ZNF746: variants seen among roughly 807,000 people sequenced by gnomAD.
The protein encoded by ZNF746 is zinc finger protein 746, also known as parkin-interacting substrate.
Under a neutral mutation model 41.0 loss-of-function variants are expected in ZNF746, and 13 were observed. The observed-to-expected ratio is 0.32, with a 90% confidence interval of 0.21 to 0.50. ZNF746 has a LOEUF of 0.50. ZNF746 is among the 20% of genes least tolerant of loss of function. ZNF746 has a pLI of 0.98. For missense variants in ZNF746, 811 were observed against 922.9 expected (o/e 0.88, Z 1.57); for synonymous variants, 424 against 396.2 (o/e 1.07, Z -0.83).
chr7:149,481,767 A>G (rs1585727655), intron 4 of ZNF746, among the ~76,000 whole-genome samples: 2 of 152,366 alleles, frequency 1.3e-5, no homozygotes, highest in East Asian at 3.8e-4. Flanking sequence ...AAAGGAAAAT[A>G]CCTAAATGAA....
intron 3 of ZNF746, among the ~76,000 whole-genome samples, 174 bp from the exon 4 acceptor site, chr7:149,493,146 T>C (rs1562993369): frequency 6.6e-6 from 1 of 152,150 alleles, no homozygotes; most frequent in Non-Finnish European, 1.5e-5. Context: ...TGGAGACAAT[T>C]CTGGTTGTCA....
intron 5 of ZNF746, 98 bp from the exon 6 acceptor site, chr7:149,477,145 C>A (rs1266457660): frequency 4.6e-5 from 65 of 1,427,822 alleles, no homozygotes; most frequent in Non-Finnish European, 5.3e-5. Flanking sequence ...GAGGTCCCCC[C>A]ACTGGGGGCT....
At chr7:149,477,465 G>T in intron 5 of ZNF746, 99 bp downstream of exon 5, 2 of 1,358,924 alleles carry the variant, frequency 1.5e-6, no homozygotes, top group Non-Finnish European at 1.0e-6. Context: ...GGCCGGAAGT[G>T]TTGAGGGCCC....
In ZNF746 at chr7:149,479,474, T is replaced by C. The variant is rs533814038; in HGVS notation, c.566-1719A>G. Among the ~76,000 whole-genome samples the C allele has an allele frequency of 3.3e-5, 5 of 152,232 alleles. No homozygotes were observed. The East Asian group carries it at 9.6e-4, about 29-fold the overall frequency. ...AAAAATAATCTCATATATGAACAGA[T>C]ATGCAAAGATTCTAAATGAAAGAAT... is the stretch of plus-strand genomic sequence containing the variant. On this transcript the variant is annotated intron_variant, in intron 4 of 6. Coordinates refer to ENST00000458143, the MANE Select transcript of ZNF746 (RefSeq NM_001394198.1).
In ZNF746 at chr7:149,497,679, C is replaced by T. The variant is rs1235561738; in HGVS notation, c.-143G>A. The stretch of plus-strand genomic sequence containing the variant: ...CTGCCGCCGCTCCTCGCTGGCTGCC[C>T]CTGCGCCGCGCCGCCCGCAGTCGCG... On this transcript the variant is annotated 5_prime_UTR_variant, in exon 1 of 7. Transcript: ENST00000458143. This position sits in a 1 kb window ranked among gnomAD's most constrained non-coding sequence, Gnocchi z 4.2. The T allele has an allele frequency of 5.1e-6, 3 of 584,408 alleles. No individual in the cohort carries two copies. The highest frequency in any genetic ancestry group is 6.5e-6 in the Non-Finnish European group (3 of 461,490). The allele number at this position is 584,408 out of a possible 1,614,324, so 36.2% of individuals were successfully genotyped here.
intron 1 of ZNF746, among the ~76,000 whole-genome samples, chr7:149,495,454 T>C (rs1222121888): frequency 6.6e-6 from 1 of 152,186 alleles, no homozygotes; most frequent in Non-Finnish European, 1.5e-5. Flanking sequence ...GGCGTATCAG[T>C]GACCGGCAGC....
intron 4 of ZNF746, 131 bp from the exon 5 acceptor site, chr7:149,477,886 G>C (rs970732411): frequency 1.4e-6 from 1 of 711,662 alleles, no homozygotes; most frequent in African/African-American, 1.8e-5. Flanking sequence ...GGTGGGAAGG[G>C]AGGCAGCAGC....
At chr7:149,483,869 G>C (rs1800550547) in intron 4 of ZNF746, among the ~76,000 whole-genome samples, 1 of 152,088 alleles carries the variant, frequency 6.6e-6, no homozygotes, top group African/African-American at 2.4e-5. Flanking sequence ...TAACCAATTG[G>C]AAGAATGAAA....
At position 149,477,557 on chromosome 7, in the gene ZNF746, C is replaced by T. The variant is rs1255848928; in HGVS notation, c.757+7G>A. 6.3e-7 allele frequency: 1 copy of T among 1,595,224 alleles called. No homozygotes were observed. The highest frequency in any genetic ancestry group is 2.2e-5 in the East Asian group (1 of 44,454). On this transcript the variant is annotated splice_region_variant and intron_variant, in intron 5 of 6. Coordinates refer to ENST00000458143, the MANE Select transcript of ZNF746 (RefSeq NM_001394198.1). ...TTGTTCCTTATGTCCCCGTCTCAGCCACTTACCAGAGGTGGCATCCGTGGA... is the reference window on the plus strand; with the variant it reads ...TTGTTCCTTATGTCCCCGTCTCAGCTACTTACCAGAGGTGGCATCCGTGGA...
chr7:149,494,276 C>T lies in ZNF746; in HGVS notation c.252G>A (p.Val84=), dbSNP rs773219260. The change falls in exon 2 of 7, where the codon GTG becomes GTA. Residue 84 remains valine (V), a synonymous_variant. Transcript: ENST00000458143. This position sits in a 1 kb window ranked among gnomAD's most constrained non-coding sequence, Gnocchi z 5.6. ...YGLLQRRLEN[V]ENLLRNRNFW... Reference sequence around the variant, plus strand: ...AGTTCCTGTTGCGCAGCAGGTTCTCCACGTTCTCCAGCCGCCTCTGCAGCA... The same window carrying T: ...AGTTCCTGTTGCGCAGCAGGTTCTCTACGTTCTCCAGCCGCCTCTGCAGCA... The T allele has an allele frequency of 7.4e-6, 12 of 1,614,008 alleles. No individual in the cohort carries two copies. The highest frequency in any genetic ancestry group is 1.7e-5 in the Admixed American group (1 of 59,994).
Position 149,474,303 on chromosome 7 carries a change from T to C in ZNF746, c.*81A>G. On this transcript the variant is annotated 3_prime_UTR_variant, in exon 7 of 7. Coordinates refer to ENST00000458143, the MANE Select transcript of ZNF746 (RefSeq NM_001394198.1). This position sits in a 1 kb window ranked among gnomAD's most constrained non-coding sequence, Gnocchi z 6.3. ...TGGTTCTCCCCGTCCCGCGTCTGCC[T>C]GAAGCTTCCACGCCGCCCTGCTGCC... The C allele has an allele frequency of 6.6e-7, 1 of 1,508,170 alleles. No homozygotes were observed. 93.4% of individuals were successfully genotyped at this position (1,508,170 alleles called of 1,614,324 possible). A position where few individuals can be genotyped will look rare whatever the true frequency, so the allele number is the denominator to read the frequency against.
chr7:149,483,231 A>G (rs1301776426), intron 4 of ZNF746, among the ~76,000 whole-genome samples: 1 of 152,206 alleles, frequency 6.6e-6, no homozygotes, highest in Non-Finnish European at 1.5e-5. Context: ...CCCAATATTA[A>G]TGAAAATATT....
chr7:149,479,676 T>C (rs576312638), intron 4 of ZNF746, among the ~76,000 whole-genome samples: 29 of 152,238 alleles, frequency 1.9e-4, no homozygotes, highest in Non-Finnish European at 3.8e-4. Context: ...AGCTCTTCTA[T>C]TTCTGACATA....
intron 4 of ZNF746, 39 bp downstream of exon 4, chr7:149,492,820 C>G (rs2888587): frequency 1.4e-6 from 2 of 1,443,110 alleles, no homozygotes; most frequent in South Asian, 2.3e-5. Flanking sequence ...GTTTCCTGCA[C>G]AATACCTGAT....
chr7:149,474,170 T>C lies in ZNF746; in HGVS notation c.*214A>G. The C allele has an allele frequency of 1.8e-6, 1 of 557,166 alleles. No homozygotes were observed. The highest frequency in any genetic ancestry group is 3.1e-6 in the Non-Finnish European group (1 of 321,370). 34.5% of individuals were successfully genotyped at this position (557,166 alleles called of 1,614,324 possible). On this transcript the variant is annotated 3_prime_UTR_variant, in exon 7 of 7. Coordinates refer to ENST00000458143, the MANE Select transcript of ZNF746 (RefSeq NM_001394198.1). The surrounding 1 kb of genome is among the most constrained non-coding windows in gnomAD (Gnocchi z 6.3). ...TTTGCAATTAAATTACTTAAAATTCTACGGCGCTCCCATTTCACAGAGAAT... is the reference window on the plus strand; with the variant it reads ...TTTGCAATTAAATTACTTAAAATTCCACGGCGCTCCCATTTCACAGAGAAT...
At chr7:149,486,980 G>C (rs1276610946) in intron 4 of ZNF746, among the ~76,000 whole-genome samples, 4 of 152,198 alleles carry the variant, frequency 2.6e-5, no homozygotes, top group African/African-American at 9.7e-5. Context: ...GCAGGGGGTG[G>C]GTGGAAGACG....
At chr7:149,491,604 C>T (rs1452444109) in intron 4 of ZNF746, 28 of 448,710 alleles carry the variant, frequency 6.2e-5, no homozygotes, top group East Asian at 1.5e-4. Context: ...ACTGGCAAAG[C>T]GGCCAGCCCG....
intron 4 of ZNF746, among the ~76,000 whole-genome samples, chr7:149,484,427 G>A (rs1436857946): frequency 6.6e-6 from 1 of 152,176 alleles, no homozygotes; most frequent in Non-Finnish European, 1.5e-5. Context: ...AGAAAAAAAT[G>A]TATAATCATC....
At chr7:149,489,122 A>G (rs1413053096) in intron 4 of ZNF746, 1 of 152,180 alleles carries the variant, frequency 6.6e-6, no homozygotes, top group African/African-American at 2.4e-5. Context: ...TACAGCTACC[A>G]AAGTACACAG....
Sources: gnomAD v4.1 joint callset for allele counts (sites outside exome capture counted in the v4.1 genomes callset) on GRCh38, gnomAD v4.1.1 for gene constraint, Gnocchi (gnomAD v3.1) non-coding constraint, MANE v1.5 for transcripts, NCBI Gene and HGNC (gene_info 2026-07-23, HGNC 2026-07-21) for gene names.